NEAT1: variants seen among roughly 807,000 people sequenced by gnomAD.
NEAT1 encodes the protein MENepsilon/beta.
At chr11:65,431,183 G>C (rs943105625) in exon 1 of NEAT1, 1 of 152,150 alleles carries the variant, frequency 6.6e-6, no homozygotes, top group African/African-American at 2.4e-5. Flanking sequence ...CAGTGTCCTC[G>C]AGATGCGTCT....
chr11:65,423,276 G>C (rs1856519183), exon 1 of NEAT1: 1 of 152,518 alleles, frequency 6.6e-6, no homozygotes, highest in Admixed American at 6.5e-5. Flanking sequence ...GTCCATGCCA[G>C]CAGCCCCTTT....
chr11:65,442,321 C>T (rs1436635316), exon 1 of NEAT1: 1 of 140,676 alleles, frequency 7.1e-6, no homozygotes, highest in African/African-American at 2.5e-5. Flanking sequence ...GGAGTGTAGT[C>T]CCCCGCCCCC....
exon 1 of NEAT1, chr11:65,441,668 A>G (rs1027813552): frequency 4.6e-5 from 7 of 152,044 alleles, no homozygotes; most frequent in Non-Finnish European, 8.8e-5. Context: ...AAGACTTTCA[A>G]GAAATTTATT....
exon 1 of NEAT1, chr11:65,423,029 C>G (rs942735747): frequency 6.6e-6 from 1 of 152,286 alleles, no homozygotes; most frequent in African/African-American, 2.4e-5. Context: ...CAGCCACGCT[C>G]CAGGCCAGGC....
exon 1 of NEAT1, chr11:65,427,499 T>C (rs1428175076): frequency 2.0e-5 from 3 of 152,212 alleles, no homozygotes; most frequent in Non-Finnish European, 4.4e-5. Flanking sequence ...TGTGCCGTTA[T>C]ATCTTGGTGA....
chr11:65,424,310 G>A (rs1856538207), exon 1 of NEAT1: 1 of 152,176 alleles, frequency 6.6e-6, no homozygotes, highest in Non-Finnish European at 1.5e-5. Flanking sequence ...CCTTTCCTGG[G>A]GTAAAGGTTT....
chr11:65,435,632 C>T (rs1029203916), exon 1 of NEAT1: 25 of 152,218 alleles, frequency 1.6e-4, no homozygotes, highest in African/African-American at 5.3e-4. Flanking sequence ...TTCACCTGCT[C>T]TGGCTCTTGG....
chr11:65,441,949 C>T (rs1341829640), exon 1 of NEAT1: 6 of 152,186 alleles, frequency 3.9e-5, no homozygotes, highest in African/African-American at 9.7e-5. Context: ...GCCCTCAGCC[C>T]GCTGTGGCCA....
exon 1 of NEAT1, chr11:65,444,561 G>A (rs1224572708): frequency 2.1e-6 from 1 of 483,740 alleles, no homozygotes; most frequent in African/African-American, 2.0e-5. Flanking sequence ...ACTCTCAAAT[G>A]AGGACAGCAG....
At chr11:65,432,152 A>T (rs1161741461) in exon 1 of NEAT1, 1 of 152,154 alleles carries the variant, frequency 6.6e-6, no homozygotes, top group Admixed American at 6.5e-5. Flanking sequence ...TTTTAGTATA[A>T]TGATTTACTC....
At chr11:65,437,835 G>T (rs1856675334) in exon 1 of NEAT1, 1 of 152,060 alleles carries the variant, frequency 6.6e-6, no homozygotes, top group African/African-American at 2.4e-5. Flanking sequence ...CTGCCTAATG[G>T]TTACTTGATA....
exon 1 of NEAT1, chr11:65,436,514 A>C (rs1416211346): frequency 1.3e-5 from 2 of 152,232 alleles, no homozygotes; most frequent in African/African-American, 4.8e-5. Flanking sequence ...ATCTTTCTCT[A>C]ACCCCCAGCC....
chr11:65,433,741 T>C (rs984878203), exon 1 of NEAT1: 6 of 151,764 alleles, frequency 4.0e-5, no homozygotes, highest in African/African-American at 9.7e-5. Flanking sequence ...TGTGTATATA[T>C]ATATATTTAA....
exon 1 of NEAT1, chr11:65,435,374 T>C (rs778513627): frequency 1.1e-4 from 16 of 152,256 alleles, no homozygotes; most frequent in Non-Finnish European, 1.6e-4. Context: ...TACTAAAATG[T>C]ATCCTATTAT....
exon 1 of NEAT1, chr11:65,440,048 A>T (rs538294615): frequency 6.6e-6 from 1 of 152,296 alleles, no homozygotes; most frequent in Admixed American, 6.5e-5. Context: ...TCTGAGGCCA[A>T]GAGTTCAAGA....
chr11:65,444,582 G>A (rs747978160), exon 1 of NEAT1: 7 of 467,772 alleles, frequency 1.5e-5, no homozygotes, highest in Non-Finnish European at 3.1e-5. Context: ...AGCTCGTGGG[G>A]GGCTCCCACG....
exon 1 of NEAT1, chr11:65,440,863 A>C (rs1227425786): frequency 1.3e-5 from 2 of 151,846 alleles, no homozygotes; most frequent in African/African-American, 2.4e-5. Flanking sequence ...AAAAAAAAAA[A>C]ACCAAGAAGA....
chr11:65,429,822 C>T (rs1856598729), exon 1 of NEAT1: 1 of 151,982 alleles, frequency 6.6e-6, no homozygotes, highest in Admixed American at 6.6e-5. Flanking sequence ...CCTTCTTCCC[C>T]GTGGTGTGTG....
At chr11:65,430,797 C>A (rs145766607) in exon 1 of NEAT1, 5 of 152,240 alleles carry the variant, frequency 3.3e-5, no homozygotes, top group African/African-American at 4.8e-5. Context: ...AGCTACACTT[C>A]CTGTTGTGAG....
Sources: allele counts gnomAD v4.1 joint callset, GRCh38; gene constraint gnomAD v4.1.1; transcripts MANE v1.5; gene names NCBI Gene and HGNC (gene_info 2026-07-23, HGNC 2026-07-21).